The following MAP3K13 variants were observed in gnomAD, a reference collection of about 807,000 sequenced individuals.
MAP3K13 encodes the protein mitogen-activated protein kinase kinase kinase 13.
In MAP3K13, 52 loss-of-function variants were observed where a neutral mutation model predicts 104.0. That is an observed-to-expected ratio of 0.50 (90% CI 0.40 to 0.63). The LOEUF (loss-of-function observed/expected upper bound fraction) is 0.63. Ranked by LOEUF, MAP3K13 falls within the 20% of genes least tolerant of loss-of-function variation. The probability of loss-of-function intolerance (pLI) is 0.00; values close to 1 mark genes in which losing one functional copy is unlikely to be tolerated. For synonymous variants in MAP3K13, 394 were observed against 442.2 expected (o/e 0.89, Z 1.37); for missense variants, 914 against 1,218.5 (o/e 0.75, Z 3.72).
intron 1 of MAP3K13, among the ~76,000 whole-genome samples, chr3:185,419,269 T>C (rs1187050644): frequency 6.6e-6 from 1 of 152,242 alleles, no homozygotes; most frequent in Non-Finnish European, 1.5e-5. Context: ...CCCAAAATGT[T>C]GGGATTACAG....
chr3:185,413,235 A>G (rs1284836756), intron 1 of MAP3K13, among the ~76,000 whole-genome samples: 4 of 152,212 alleles, frequency 2.6e-5, no homozygotes, highest in Non-Finnish European at 4.4e-5. Context: ...GCAAATCCCC[A>G]TGTACGAAGG....
At chr3:185,308,009 C>CTTTTTTTTTTTTTTTT (rs33949195) in intron 2 of MAP3K13, among the ~76,000 whole-genome samples, 2 of 31,566 alleles carry the variant, frequency 6.3e-5, no homozygotes, top group Admixed American at 4.0e-4. Context: ...TCTTTGGGGT[C>CTTTTTTTTTTTTTTTT]TTTTTTTTTT....
chr3:185,454,909 T>TATATATATGAGATATATATATG (rs1716314601), intron 7 of MAP3K13, among the ~76,000 whole-genome samples: 3 of 95,162 alleles, frequency 3.2e-5, no homozygotes, highest in African/African-American at 1.2e-4. Context: ...ATATATATGA[T>TATATATATGAGATATATATATG]ATATATATGA....
In MAP3K13 at chr3:185,482,232, A is replaced by T; in HGVS notation, c.2800-123A>T. 1.4e-6 allele frequency: 1 copy of T among 698,936 alleles called. No individual in the cohort carries two copies. The highest frequency in any genetic ancestry group is 2.6e-6 in the Non-Finnish European group (1 of 386,134). The allele number at this position is 698,936 out of a possible 1,614,324, so 43.3% of individuals were successfully genotyped here. A position where few individuals can be genotyped will look rare whatever the true frequency, so the allele number is the denominator to read the frequency against. ...TCTCCATAAGTCCCACAAGGACAGG[A>T]CCTGGTCTCGTTTACCTTTGTAGCC... On this transcript the variant is annotated intron_variant, in intron 13 of 13. Coordinates refer to ENST00000265026, the MANE Select transcript of MAP3K13 (RefSeq NM_004721.5). This position sits in a 1 kb window ranked among gnomAD's most constrained non-coding sequence, Gnocchi z 4.5.
At chr3:185,451,443 T>C in intron 7 of MAP3K13, 48 bp downstream of exon 7, 1 of 1,258,390 alleles carries the variant, frequency 7.9e-7, no homozygotes, top group South Asian at 1.2e-5. Flanking sequence ...GATAGAGAAC[T>C]CTCAATGAAA....
At chr3:185,417,971 C>T in intron 1 of MAP3K13, 2 of 1,609,770 alleles carry the variant, frequency 1.2e-6, no homozygotes, top group East Asian at 2.2e-5. Context: ...AGGGAAGCGG[C>T]TTTACGCCAA....
At chr3:185,431,634 A>T (rs1159998232) in intron 2 of MAP3K13, among the ~76,000 whole-genome samples, 1 of 152,326 alleles carries the variant, frequency 6.6e-6, no homozygotes, top group East Asian at 1.9e-4. Context: ...TTTATTTTAT[A>T]ACTGAATTTT....
Position 185,473,441 on chromosome 3 carries a change from G to T in MAP3K13, c.2110G>T (p.Ala704Ser). The change falls in exon 11 of 14, where the codon GCT becomes TCT. Residue 704 changes from alanine (A) to serine (S), a missense_variant. This residue lies in a region of MAP3K13 where 583 missense variants were observed against 737.4 expected (regional missense o/e 0.79). Coordinates refer to ENST00000265026, the MANE Select transcript of MAP3K13 (RefSeq NM_004721.5). The surrounding 1 kb of genome is among the most constrained non-coding windows in gnomAD (Gnocchi z 4.9). The stretch of plus-strand genomic sequence containing the variant: ...CCCTGACCTCATCTCCACAGCCATG[G>T]CTGCAGACTGCTGGAGAAGTTCTGA... Reference protein sequence around the residue: ...SSPDLISTAMAADCWRSSEPD... With the variant: ...SSPDLISTAMSADCWRSSEPD... 6.2e-7 allele frequency: 1 copy of T among 1,614,174 alleles called. No individual in the cohort carries two copies.
At chr3:185,454,428 A>G (rs796512242) in intron 7 of MAP3K13, among the ~76,000 whole-genome samples, 1 of 53,582 alleles carries the variant, frequency 1.9e-5, no homozygotes, top group African/African-American at 5.6e-5. Context: ...TGAGATATAT[A>G]TGATATATAT....
At chr3:185,438,119 C>T (rs1458087499) in intron 3 of MAP3K13, among the ~76,000 whole-genome samples, 1 of 151,826 alleles carries the variant, frequency 6.6e-6, no homozygotes, top group East Asian at 1.9e-4. Flanking sequence ...ATAGTGGAAC[C>T]CTGTCTGTAA....
At chr3:185,463,477 G>T in intron 7 of MAP3K13, 73 bp from the exon 8 acceptor site, 1 of 829,360 alleles carries the variant, frequency 1.2e-6, no homozygotes, top group Non-Finnish European at 2.0e-6. Flanking sequence ...AAAAAATCTT[G>T]TACGTGACTT....
intron 1 of MAP3K13, among the ~76,000 whole-genome samples, chr3:185,367,297 T>C (rs747185485): frequency 3.9e-4 from 59 of 152,260 alleles, no homozygotes; most frequent in Non-Finnish European, 7.2e-4. Flanking sequence ...TGGGACCCAG[T>C]GATGATGTAT....
chr3:185,357,137 G>C, intron 2 of MAP3K13, among the ~76,000 whole-genome samples: 1 of 150,910 alleles, frequency 6.6e-6, no homozygotes, highest in East Asian at 1.9e-4. Context: ...TTTTACATGA[G>C]CTCTAAGAAA....
At chr3:185,393,169 A>C (rs1490375219) in intron 1 of MAP3K13, among the ~76,000 whole-genome samples, 1 of 100,326 alleles carries the variant, frequency 1.0e-5, no homozygotes, top group East Asian at 3.0e-4. Flanking sequence ...AGAATGTTAA[A>C]GGATGCTTTT....
chr3:185,344,313 G>A (rs73052870), intron 2 of MAP3K13, among the ~76,000 whole-genome samples: 3,585 of 152,210 alleles, frequency 0.024, 137 homozygotes, highest in African/African-American at 0.079. Context: ...TTTTGAAAAG[G>A]AGAGACATGG....
chr3:185,454,745 C>G (rs190854647), intron 7 of MAP3K13, among the ~76,000 whole-genome samples: 3,339 of 12,418 alleles, frequency 0.27, 1,405 homozygotes, highest in Non-Finnish European at 0.55. Flanking sequence ...ATATATATAT[C>G]ATATATATGA....
intron 2 of MAP3K13, among the ~76,000 whole-genome samples, chr3:185,310,693 A>G (rs1250227921): frequency 2.6e-5 from 4 of 152,232 alleles, no homozygotes; most frequent in African/African-American, 9.6e-5. Flanking sequence ...AAGTTATTCA[A>G]ACTGAAGCAC....
intron 1 of MAP3K13, among the ~76,000 whole-genome samples, chr3:185,380,993 C>G (rs1423506312): frequency 1.3e-5 from 2 of 148,372 alleles, no homozygotes; most frequent in Non-Finnish European, 3.0e-5. Flanking sequence ...GATGAAGTCT[C>G]GCTCTGTTAC....
At chr3:185,384,632 T>A (rs1018887312) in intron 1 of MAP3K13, among the ~76,000 whole-genome samples, 1 of 152,160 alleles carries the variant, frequency 6.6e-6, no homozygotes, top group Non-Finnish European at 1.5e-5. Flanking sequence ...ACTTTTGTTA[T>A]TTTTTTGATA....
Sources: allele counts gnomAD v4.1 joint callset (sites outside exome capture counted in the v4.1 genomes callset), GRCh38; gene constraint gnomAD v4.1.1; regional missense constraint gnomAD v4.1.1; non-coding constraint Gnocchi (gnomAD v3.1); transcripts MANE v1.5; gene names NCBI Gene and HGNC (gene_info 2026-07-23, HGNC 2026-07-21).